Variants in FAF1 observed in about 807,000 individuals in gnomAD.
FAF1 encodes the protein FAS-associated factor 1.
FAF1 carries 25 observed loss-of-function variants against 92.5 expected under a neutral mutation model. The ratio of observed to expected loss-of-function variants is 0.27; its 90% CI spans 0.20 to 0.38. The LOEUF (loss-of-function observed/expected upper bound fraction) is 0.38. Ranked by LOEUF, FAF1 falls within the 10% of genes least tolerant of loss-of-function variation. The pLI is 1.00. For missense variants in FAF1, 636 were observed against 793.3 expected, an observed-to-expected ratio of 0.80 and a Z score of 2.38; for synonymous variants, 234 against 273.2, an observed-to-expected ratio of 0.86 and a Z score of 1.42.
At chr1:50,694,079 T>C (rs1657079099) in intron 7 of FAF1, among the ~76,000 whole-genome samples, 1 of 151,632 alleles carries the variant, frequency 6.6e-6, no homozygotes, top group Non-Finnish European at 1.5e-5. Context: ...ATACATGACA[T>C]ATATATAAAA....
intron 4 of FAF1, among the ~76,000 whole-genome samples, chr1:50,773,313 A>G (rs1660836253): frequency 6.6e-6 from 1 of 152,212 alleles, no homozygotes; most frequent in Non-Finnish European, 1.5e-5. Flanking sequence ...CATCAGATCC[A>G]GCCATCCCAC....
At chr1:50,490,789 G>A (rs1034765431) in intron 16 of FAF1, 124 bp from the exon 17 acceptor site, 24 of 706,476 alleles carry the variant, frequency 3.4e-5, no homozygotes, top group African/African-American at 1.8e-4. Context: ...AAGGCTCATT[G>A]TCAACATGAC....
At chr1:50,872,576 T>C (rs765170396) in intron 1 of FAF1, among the ~76,000 whole-genome samples, 63 of 152,260 alleles carry the variant, frequency 4.1e-4, no homozygotes, top group Non-Finnish European at 7.9e-4. Flanking sequence ...GACTCCAATT[T>C]TGAAAGAAGC....
intron 8 of FAF1, among the ~76,000 whole-genome samples, chr1:50,652,312 C>A (rs1448598040): frequency 6.6e-6 from 1 of 152,108 alleles, no homozygotes; most frequent in Non-Finnish European, 1.5e-5. Flanking sequence ...TTATAAAAAC[C>A]ATTAAAACAT....
At chr1:50,958,406 T>C (rs1229899433) in intron 1 of FAF1, among the ~76,000 whole-genome samples, 6 of 152,098 alleles carry the variant, frequency 3.9e-5, no homozygotes, top group African/African-American at 1.4e-4. Flanking sequence ...CCGGGAGCAG[T>C]GTGGCTCACG....
At chr1:50,517,259 T>C (rs1647251671) in intron 15 of FAF1, among the ~76,000 whole-genome samples, 1 of 152,134 alleles carries the variant, frequency 6.6e-6, no homozygotes, top group African/African-American at 2.4e-5. Flanking sequence ...AAGATAACTA[T>C]TTAATTTGAA....
chr1:50,531,734 C>A (rs1648180945), intron 15 of FAF1, among the ~76,000 whole-genome samples: 2 of 152,022 alleles, frequency 1.3e-5, no homozygotes, highest in South Asian at 4.2e-4. Flanking sequence ...AATGTATATA[C>A]CCTGGTTAAA....
intron 6 of FAF1, chr1:50,706,116 T>A (rs1391975575): frequency 2.3e-6 from 1 of 441,074 alleles, no homozygotes; most frequent in Admixed American, 3.5e-5. Flanking sequence ...AAATTTCAAG[T>A]CTAAATGCTT....
At chr1:50,515,277 T>C (rs1332717549) in intron 15 of FAF1, among the ~76,000 whole-genome samples, 2 of 152,200 alleles carry the variant, frequency 1.3e-5, no homozygotes, top group African/African-American at 4.8e-5. Flanking sequence ...ATGGGGAAAC[T>C]GAGACTTGAA....
At chr1:50,606,152 G>C (rs1278446545) in intron 8 of FAF1, among the ~76,000 whole-genome samples, 2 of 152,114 alleles carry the variant, frequency 1.3e-5, no homozygotes, top group African/African-American at 4.8e-5. Flanking sequence ...TTATCATATA[G>C]GTGTTTTCAG....
At position 50,959,849 on chromosome 1, in the gene FAF1, C is replaced by G; in HGVS notation, c.-38G>C. 1 of 1,516,796 alleles carries G rather than the reference C, an allele frequency of 6.6e-7. No individual in the cohort carries two copies. The highest frequency in any genetic ancestry group is 1.2e-5 in the South Asian group (1 of 83,216). 94.0% of individuals were successfully genotyped at this position (1,516,796 alleles called of 1,614,324 possible). A position where few individuals can be genotyped will look rare whatever the true frequency, so the allele number is the denominator to read the frequency against. On this transcript the variant is annotated 5_prime_UTR_variant, in exon 1 of 19. Transcript: ENST00000396153. ...GTTCCGCGGCTCCGGGAGCGAAGCG[C>G]GCACCTGGGAGGCAGACGGCACCTC...
intron 8 of FAF1, among the ~76,000 whole-genome samples, chr1:50,635,072 C>G (rs1359305000): frequency 2.0e-5 from 3 of 152,158 alleles, no homozygotes; most frequent in African/African-American, 7.2e-5. Context: ...ATATACTCAT[C>G]TACACTTTAA....
chr1:50,804,558 C>T (rs1428178159), intron 2 of FAF1, among the ~76,000 whole-genome samples: 4 of 151,912 alleles, frequency 2.6e-5, no homozygotes, highest in Non-Finnish European at 5.9e-5. Flanking sequence ...ATTATGAGGC[C>T]TAAGGTTATT....
chr1:50,605,954 T>A (rs1652363595), intron 8 of FAF1, among the ~76,000 whole-genome samples: 1 of 152,242 alleles, frequency 6.6e-6, no homozygotes, highest in Non-Finnish European at 1.5e-5. Context: ...TGATAACTAA[T>A]GTCATTTCTC....
At chr1:50,856,558 G>A (rs942086294) in intron 2 of FAF1, among the ~76,000 whole-genome samples, 4 of 151,756 alleles carry the variant, frequency 2.6e-5, no homozygotes, top group African/African-American at 9.7e-5. Flanking sequence ...TTGGTTTAAT[G>A]AAATGGAAAT....
chr1:50,733,723 T>C (rs1290389144), intron 6 of FAF1, among the ~76,000 whole-genome samples: 3 of 152,150 alleles, frequency 2.0e-5, no homozygotes, highest in East Asian at 3.8e-4. Context: ...ATCTTGGAGA[T>C]TTCCAAACTC....
At chr1:50,849,073 A>G (rs1285414184) in intron 2 of FAF1, among the ~76,000 whole-genome samples, 1 of 152,106 alleles carries the variant, frequency 6.6e-6, no homozygotes, top group East Asian at 1.9e-4. Flanking sequence ...CCTGGCCAAT[A>G]TGGTGAAACC....
intron 18 of FAF1, among the ~76,000 whole-genome samples, chr1:50,456,053 C>T (rs532305749): frequency 5.7e-4 from 86 of 151,960 alleles, no homozygotes; most frequent in South Asian, 1.0e-3. Context: ...CCAGTTTGGG[C>T]GACAGAGTGA....
intron 18 of FAF1, chr1:50,452,090 A>G (rs778049317): frequency 1.2e-5 from 16 of 1,343,804 alleles, no homozygotes; most frequent in Middle Eastern, 2.1e-4. Flanking sequence ...CTTAGTCTAA[A>G]AACAGGAGAT....
Sources: gnomAD v4.1 joint callset for allele counts (sites outside exome capture counted in the v4.1 genomes callset) on GRCh38, gnomAD v4.1.1 for gene constraint, MANE v1.5 for transcripts, NCBI Gene and HGNC (gene_info 2026-07-23, HGNC 2026-07-21) for gene names.